CNOT6: variants seen among roughly 807,000 people sequenced by gnomAD.
The protein encoded by CNOT6 is CCR4-NOT transcription complex subunit 6, also known as carbon catabolite repression 4 protein.
Under a neutral mutation model 61.2 loss-of-function variants are expected in CNOT6, and 12 were observed. The ratio of observed to expected loss-of-function variants is 0.20; its 90% confidence interval spans 0.13 to 0.32. The LOEUF (loss-of-function observed/expected upper bound fraction) is 0.32. Ranked by LOEUF, CNOT6 falls within the 10% of genes least tolerant of loss-of-function variation. CNOT6 has a pLI of 1.00. For synonymous variants in CNOT6, 225 were observed against 240.6 expected, an observed-to-expected ratio of 0.94 and a Z score of 0.60; for missense variants, 405 against 663.9, an observed-to-expected ratio of 0.61 and a Z score of 4.28.
At chr5:180,558,366 C>G (rs1317103752) in intron 4 of CNOT6, among the ~76,000 whole-genome samples, 1 of 152,086 alleles carries the variant, frequency 6.6e-6, no homozygotes, top group African/African-American at 2.4e-5. Flanking sequence ...GGAGGAGGCC[C>G]CTGTGGAGAG....
intron 4 of CNOT6, among the ~76,000 whole-genome samples, chr5:180,563,647 C>T (rs1760304941): frequency 6.6e-6 from 1 of 152,160 alleles, no homozygotes; most frequent in Non-Finnish European, 1.5e-5. Context: ...TGGTTAACAT[C>T]TTTGACCATT....
At chr5:180,511,119 T>C (rs748157958) in intron 1 of CNOT6, among the ~76,000 whole-genome samples, 1 of 152,190 alleles carries the variant, frequency 6.6e-6, no homozygotes, top group Non-Finnish European at 1.5e-5. Context: ...AGGTTTTTTT[T>C]GGCATATGTT....
chr5:180,514,010 T>C (rs1209577514), intron 1 of CNOT6, among the ~76,000 whole-genome samples: 1 of 152,068 alleles, frequency 6.6e-6, no homozygotes, highest in Admixed American at 6.6e-5. Context: ...CCCATTTTTA[T>C]TTTTTGTAGA....
chr5:180,576,013 A>T lies in CNOT6; in HGVS notation c.*1813A>T, dbSNP rs1424922626. 1 of 148,190 alleles carries T rather than the reference A, an allele frequency of 6.7e-6. No homozygotes were observed. The highest frequency in any genetic ancestry group is 1.5e-5 in the Non-Finnish European group (1 of 67,052). The allele number at this position is 148,190 out of a possible 1,614,324, so 9.2% of individuals were successfully genotyped here. On this transcript the variant is annotated 3_prime_UTR_variant, in exon 12 of 12. Transcript: ENST00000261951. ...TTGTTTTTTCTAGGATTTCATTGTG[A>T]TGTTTTGGTTTTGTTTTTTGCTTTT...
chr5:180,502,344 A>G (rs1487973984), intron 1 of CNOT6, among the ~76,000 whole-genome samples: 1 of 152,208 alleles, frequency 6.6e-6, no homozygotes, highest in Non-Finnish European at 1.5e-5. Context: ...ATAATATTAC[A>G]ATTTTCAGCC....
chr5:180,552,305 A>G (rs1431891575), intron 3 of CNOT6, among the ~76,000 whole-genome samples: 1 of 152,130 alleles, frequency 6.6e-6, no homozygotes, highest in Admixed American at 6.6e-5. Context: ...TTAAATGTCA[A>G]AAACCAAAGA....
chr5:180,572,185 A>G (rs1235060077), intron 11 of CNOT6, among the ~76,000 whole-genome samples: 1 of 152,094 alleles, frequency 6.6e-6, no homozygotes, highest in African/African-American at 2.4e-5. Flanking sequence ...AAGTGTTTCT[A>G]AGATACATCT....
Position 180,563,107 on chromosome 5 carries a change from G to A in CNOT6, c.386-1382G>A, listed in dbSNP as rs113830127. 3.0e-3 allele frequency among the ~76,000 whole-genome samples: 458 copies of A among 152,242 alleles called. 7 individuals are homozygous for A. The highest frequency in any genetic ancestry group is 0.011 in the African/African-American group (444 of 41,522). ...GAACTTTGCCATTTTTCCCATCCAT[G>A]CAACTCAGCTTCTTTGAAGGATACT... On this transcript the variant is annotated intron_variant, in intron 4 of 11. Coordinates refer to ENST00000261951, the MANE Select transcript of CNOT6 (RefSeq NM_001370472.1).
At chr5:180,504,262 T>G (rs955037824) in intron 1 of CNOT6, among the ~76,000 whole-genome samples, 7 of 152,112 alleles carry the variant, frequency 4.6e-5, no homozygotes, top group Admixed American at 4.6e-4. Context: ...GGCCTTAGAG[T>G]AAGATTCTGG....
intron 1 of CNOT6, among the ~76,000 whole-genome samples, chr5:180,510,978 T>C (rs1354834539): frequency 6.6e-6 from 1 of 152,138 alleles, no homozygotes; most frequent in African/African-American, 2.4e-5. Context: ...CTAATTTTTA[T>C]ACTTTTAGTA....
chr5:180,507,183 G>A, intron 1 of CNOT6, among the ~76,000 whole-genome samples: 1 of 152,216 alleles, frequency 6.6e-6, no homozygotes, highest in South Asian at 2.1e-4. Context: ...TGAGGGGTAA[G>A]TGGGAATTAG....
intron 2 of CNOT6, among the ~76,000 whole-genome samples, chr5:180,536,981 G>A (rs1758727397): frequency 6.6e-6 from 1 of 152,122 alleles, no homozygotes; most frequent in South Asian, 2.1e-4. Flanking sequence ...TGGCTTGATA[G>A]CTCATTCTTT....
chr5:180,533,835 A>G (rs1057405798), intron 2 of CNOT6, among the ~76,000 whole-genome samples: 4 of 152,026 alleles, frequency 2.6e-5, no homozygotes, highest in African/African-American at 7.2e-5. Flanking sequence ...TAGAACCACC[A>G]CTCACACCAA....
At chr5:180,567,813 C>T in intron 8 of CNOT6, 36 bp from the exon 9 acceptor site, 1 of 1,609,134 alleles carries the variant, frequency 6.2e-7, no homozygotes, top group African/African-American at 1.3e-5. Flanking sequence ...GTATTCCCAA[C>T]TCTGTGTGTG....
intron 4 of CNOT6, among the ~76,000 whole-genome samples, chr5:180,562,213 TCA>T (rs1760222591): frequency 6.6e-6 from 1 of 152,194 alleles, no homozygotes; most frequent in Admixed American, 6.5e-5. Context: ...TCTCCTTTTT[TCA>T]GAGTTTTGTG....
intron 1 of CNOT6, among the ~76,000 whole-genome samples, chr5:180,519,658 C>T (rs564027771): frequency 9.9e-5 from 15 of 151,990 alleles, no homozygotes; most frequent in African/African-American, 3.6e-4. Flanking sequence ...ACTATAGGGG[C>T]AAAATGTTCT....
intron 9 of CNOT6, among the ~76,000 whole-genome samples, 169 bp from the exon 10 acceptor site, chr5:180,568,941 G>A (rs1427731051): frequency 6.6e-6 from 1 of 152,228 alleles, no homozygotes; most frequent in Non-Finnish European, 1.5e-5. Flanking sequence ...AGGTTGAGAT[G>A]TGTATTTCTC....
At chr5:180,522,396 G>A (rs1344619311) in intron 1 of CNOT6, among the ~76,000 whole-genome samples, 8 of 152,114 alleles carry the variant, frequency 5.3e-5, no homozygotes, top group Admixed American at 3.9e-4. Flanking sequence ...TTGTAAGTGT[G>A]AGCCACTGGG....
At chr5:180,573,605 G>A (rs1185713205) in intron 11 of CNOT6, among the ~76,000 whole-genome samples, 1 of 2,936 alleles carries the variant, frequency 3.4e-4, no homozygotes, top group Non-Finnish European at 9.7e-4. Context: ...GTGTGTGTCC[G>A]TCCGTCCGTC....
Sources: gnomAD v4.1 joint callset for allele counts (sites outside exome capture counted in the v4.1 genomes callset) on GRCh38, gnomAD v4.1.1 for gene constraint, MANE v1.5 for transcripts, NCBI Gene and HGNC (gene_info 2026-07-23, HGNC 2026-07-21) for gene names.